Variants in FOXP1 observed in about 807,000 individuals in gnomAD.
FOXP1 encodes the protein forkhead box P1, also known as forkhead box protein P1.
Under a neutral mutation model 98.2 loss-of-function variants are expected in FOXP1, and 15 were observed. The ratio of observed to expected loss-of-function variants is 0.15; its 90% CI spans 0.10 to 0.24. The LOEUF (loss-of-function observed/expected upper bound fraction) is 0.24, where lower values mean the gene tolerates loss of function less well. FOXP1 is among the 10% of genes least tolerant of loss of function. The probability of loss-of-function intolerance (pLI) is 1.00; values close to 1 mark genes in which losing one functional copy is unlikely to be tolerated. For missense variants in FOXP1, 633 were observed against 848.5 expected, an observed-to-expected ratio of 0.75 and a Z score of 3.15; for synonymous variants, 371 against 314.5, an observed-to-expected ratio of 1.18 and a Z score of -1.90.
intron 6 of FOXP1, among the ~76,000 whole-genome samples, chr3:71,187,001 C>T (rs1276718925): frequency 1.3e-5 from 2 of 152,204 alleles, no homozygotes; most frequent in African/African-American, 2.4e-5. Context: ...AGTAGGCAAG[C>T]GGGTGTGGCT....
chr3:71,261,693 CTG>C (rs1240163155), intron 5 of FOXP1, among the ~76,000 whole-genome samples: 6 of 152,118 alleles, frequency 3.9e-5, no homozygotes, highest in African/African-American at 2.4e-5. Context: ...TTCAAAATGA[CTG>C]TCTCTCTTGG....
chr3:71,428,201 G>T (rs1253880462), intron 3 of FOXP1, among the ~76,000 whole-genome samples: 1 of 152,178 alleles, frequency 6.6e-6, no homozygotes, highest in Non-Finnish European at 1.5e-5. Flanking sequence ...AAGGCATTCA[G>T]GAAGAAAAGA....
intron 2 of FOXP1, 36 bp from the exon 3 acceptor site, chr3:71,493,591 A>G (rs1304958014): frequency 6.6e-6 from 1 of 152,180 alleles, no homozygotes; most frequent in Non-Finnish European, 1.5e-5. Flanking sequence ...CATAACTAAG[A>G]TGTAACTTCT....
At chr3:71,501,905 T>C (rs1474364596) in intron 2 of FOXP1, among the ~76,000 whole-genome samples, 1 of 152,168 alleles carries the variant, frequency 6.6e-6, no homozygotes, top group East Asian at 1.9e-4. Flanking sequence ...CTGTTCAAGC[T>C]CTTTGGTTTC....
At chr3:71,177,078 GA>G (rs1226441198) in intron 6 of FOXP1, among the ~76,000 whole-genome samples, 1 of 151,852 alleles carries the variant, frequency 6.6e-6, no homozygotes, top group African/African-American at 2.4e-5. Flanking sequence ...AAAAACAAAT[GA>G]AAAAAAGGAA....
At chr3:71,465,661 G>C (rs2088633794) in intron 3 of FOXP1, among the ~76,000 whole-genome samples, 3 of 152,180 alleles carry the variant, frequency 2.0e-5, no homozygotes, top group Non-Finnish European at 4.4e-5. Flanking sequence ...TAGCACAGTG[G>C]AGGTGCTCTA....
At chr3:71,106,773 ATT>A (rs59989388) in intron 7 of FOXP1, among the ~76,000 whole-genome samples, 126,265 of 137,084 alleles carry the variant, frequency 0.92, 58,305 homozygotes, top group South Asian at 0.97. Context: ...TCAAATAGGG[ATT>A]TTTTTTTTTT....
At chr3:71,063,892 A>T (rs1471720636) in intron 7 of FOXP1, among the ~76,000 whole-genome samples, 1 of 152,190 alleles carries the variant, frequency 6.6e-6, no homozygotes, top group Non-Finnish European at 1.5e-5. Context: ...CTAAAACTTT[A>T]CCACCCACTT....
intron 5 of FOXP1, among the ~76,000 whole-genome samples, chr3:71,205,762 C>G (rs1397585705): frequency 6.6e-6 from 1 of 152,130 alleles, no homozygotes; most frequent in Non-Finnish European, 1.5e-5. Flanking sequence ...GCTTGGTACA[C>G]GTAAGCAAAG....
At chr3:71,470,304 T>C (rs1577688009) in intron 3 of FOXP1, among the ~76,000 whole-genome samples, 1 of 152,184 alleles carries the variant, frequency 6.6e-6, no homozygotes, top group Non-Finnish European at 1.5e-5. Context: ...GTTATACAGA[T>C]AAAATCAGTT....
chr3:71,405,673 G>A (rs1476042303), intron 3 of FOXP1, among the ~76,000 whole-genome samples: 1 of 152,110 alleles, frequency 6.6e-6, no homozygotes, highest in Non-Finnish European at 1.5e-5. Flanking sequence ...CAACCTCCAG[G>A]CCAATTAAAT....
chr3:71,370,816 T>TA (rs60574287), intron 3 of FOXP1, among the ~76,000 whole-genome samples: 4 of 149,958 alleles, frequency 2.7e-5, no homozygotes, highest in East Asian at 1.9e-4. Flanking sequence ...TTTTTTTTTT[T>TA]ACTGAGAAGG....
chr3:71,545,481 C>T (rs2045285666), intron 2 of FOXP1, among the ~76,000 whole-genome samples: 1 of 152,150 alleles, frequency 6.6e-6, no homozygotes, highest in Non-Finnish European at 1.5e-5. Flanking sequence ...TTGCAAATTA[C>T]ACTTAGGGTA....
chr3:71,581,653 C>A lies in FOXP1; in HGVS notation c.-402G>T. 2 of 985,898 alleles carry A rather than the reference C, an allele frequency of 2.0e-6. No homozygotes were observed. Among genetic ancestry groups the A allele is most frequent in the South Asian group, 4.6e-5 (1 of 21,570 alleles). The allele number at this position is 985,898 out of a possible 1,614,324, so 61.1% of individuals were successfully genotyped here. A position where few individuals can be genotyped will look rare whatever the true frequency, so the allele number is the denominator to read the frequency against. ...CCGCTGCCGCTGCCCCCGGCCCGCT[C>A]GCTCGCTCGCCGCGCGCTCTCTTCC... On this transcript the variant is annotated 5_prime_UTR_variant, in exon 2 of 21. Transcript: ENST00000649528.
intron 3 of FOXP1, among the ~76,000 whole-genome samples, chr3:71,431,170 G>A (rs992291410): frequency 6.6e-6 from 1 of 152,074 alleles, no homozygotes; most frequent in East Asian, 1.9e-4. Context: ...AGACAGCACA[G>A]ACAAAAGGAA....
chr3:71,317,476 A>G (rs1275552947), intron 4 of FOXP1, among the ~76,000 whole-genome samples: 2 of 149,682 alleles, frequency 1.3e-5, no homozygotes, highest in African/African-American at 4.9e-5. Flanking sequence ...GCCCCACTGG[A>G]AAAAAAAAAG....
At chr3:71,024,867 G>A (rs911144465) in intron 11 of FOXP1, among the ~76,000 whole-genome samples, 2 of 152,150 alleles carry the variant, frequency 1.3e-5, no homozygotes. Context: ...CTTAGTTTTT[G>A]TTCCCCCCTT....
chr3:71,372,908 T>G (rs1395885046), intron 3 of FOXP1, among the ~76,000 whole-genome samples: 1 of 152,170 alleles, frequency 6.6e-6, no homozygotes, highest in African/African-American at 2.4e-5. Flanking sequence ...TAAATGACCC[T>G]TGAGAGGCCC....
At chr3:71,357,864 A>G (rs1317472396) in intron 4 of FOXP1, among the ~76,000 whole-genome samples, 1 of 152,220 alleles carries the variant, frequency 6.6e-6, no homozygotes, top group African/African-American at 2.4e-5. Flanking sequence ...AATTTTTTAT[A>G]CTTATATCTC....
Sources: gnomAD v4.1 joint callset for allele counts (sites outside exome capture counted in the v4.1 genomes callset) on GRCh38, gnomAD v4.1.1 for gene constraint, MANE v1.5 for transcripts, NCBI Gene and HGNC (gene_info 2026-07-23, HGNC 2026-07-21) for gene names.